The following KANK1 variants were observed in gnomAD, a reference collection of about 807,000 sequenced individuals.
KANK1 encodes the protein KN motif and ankyrin repeat domain-containing protein 1.
KANK1 carries 109 observed loss-of-function variants against 106.2 expected under a neutral mutation model. The ratio of observed to expected loss-of-function variants is 1.03; its 90% CI spans 0.88 to 1.20. The LOEUF is 1.20. Ranked by LOEUF, KANK1 falls within the 50% of genes most tolerant of loss-of-function variation. The probability of loss-of-function intolerance (pLI) is 0.00; values close to 1 mark genes in which losing one functional copy is unlikely to be tolerated. For synonymous variants in KANK1, 873 were observed against 652.2 expected, an observed-to-expected ratio of 1.34 and a Z score of -5.16; for missense variants, 2,399 against 1,710.7, an observed-to-expected ratio of 1.40 and a Z score of -7.10.
chr9:488,701 A>G (rs1390885280), intron 3 of KANK1, among the ~76,000 whole-genome samples: 1 of 152,258 alleles, frequency 6.6e-6, no homozygotes, highest in Admixed American at 6.5e-5. Context: ...TCAAGTGTCA[A>G]TAATGACTGT....
intron 1 of KANK1, among the ~76,000 whole-genome samples, chr9:607,906 T>G (rs891382134): frequency 1.3e-5 from 2 of 151,664 alleles, no homozygotes; most frequent in Admixed American, 1.3e-4. Context: ...TACCTGGTTG[T>G]ATTGTAATGT....
At chr9:539,944 T>A (rs910488557) in intron 1 of KANK1, among the ~76,000 whole-genome samples, 1 of 152,230 alleles carries the variant, frequency 6.6e-6, no homozygotes, top group Admixed American at 6.5e-5. Flanking sequence ...TTGGTGAAGT[T>A]CTGAAGGTTT....
intron 1 of KANK1, among the ~76,000 whole-genome samples, chr9:524,983 T>TTTTTTC (rs1491333702): frequency 1.0e-4 from 5 of 48,112 alleles, no homozygotes; most frequent in African/African-American, 1.9e-4. Flanking sequence ...TCTTGCTGCC[T>TTTTTTC]TTTTTTTTTT....
intron 1 of KANK1, among the ~76,000 whole-genome samples, chr9:620,800 G>A (rs1032296403): frequency 3.3e-5 from 5 of 152,106 alleles, no homozygotes; most frequent in Non-Finnish European, 7.4e-5. Context: ...TAATATTGGA[G>A]CATAATAGAA....
In KANK1 at chr9:712,382, G is replaced by A. The variant is rs202212356; in HGVS notation, c.1616G>A (p.Gly539Glu). Residue 539 changes from glycine (G) to glutamate (E), a missense_variant, in exon 3 of 12, where the codon GGG (glycine) becomes GAG (glutamate). By Grantham distance (98) the Gly-to-Glu change is moderately conservative. Transcript: ENST00000382297. The part of the protein sequence containing the change: ...SHMDLVDTCV[G>E]TSVETNSVGI... ...ATGGACCTGGTGGACACGTGTGTTG[G>A]GACCTCCGTGGAAACAAACAGTGTA... The A allele has an allele frequency of 6.3e-5, 101 of 1,614,036 alleles. No individual in the cohort carries two copies. Among genetic ancestry groups the A allele is most frequent in the Non-Finnish European group, 1.4e-5 (17 of 1,180,036 alleles).
intron 2 of KANK1, among the ~76,000 whole-genome samples, chr9:708,856 C>A (rs1825088659): frequency 1.3e-5 from 2 of 152,148 alleles, no homozygotes; most frequent in South Asian, 4.2e-4. Flanking sequence ...ATTAGCGTGG[C>A]TCTGGGAAAA....
chr9:477,748 T>C (rs533993847), intron 3 of KANK1: 1 of 152,348 alleles, frequency 6.6e-6, no homozygotes, highest in South Asian at 2.1e-4. Flanking sequence ...CATGCCAATA[T>C]GTAACACAGA....
chr9:716,155 G>C (rs1014816455), intron 3 of KANK1, among the ~76,000 whole-genome samples: 20 of 152,186 alleles, frequency 1.3e-4, no homozygotes, highest in African/African-American at 4.1e-4. Flanking sequence ...ACCTAACACA[G>C]TATTCTAATT....
intron 1 of KANK1, among the ~76,000 whole-genome samples, chr9:518,446 A>G (rs1236721303): frequency 2.6e-5 from 4 of 151,484 alleles, no homozygotes; most frequent in African/African-American, 7.3e-5. Context: ...CTTTTTACCT[A>G]TACTTTTCGG....
chr9:528,798 T>C (rs1186968428), intron 1 of KANK1, among the ~76,000 whole-genome samples: 1 of 151,672 alleles, frequency 6.6e-6, no homozygotes, highest in African/African-American at 2.4e-5. Flanking sequence ...CAAGCTAATA[T>C]GTCTCAATTT....
intron 3 of KANK1, among the ~76,000 whole-genome samples, chr9:491,773 C>T (rs538119102): frequency 3.0e-4 from 45 of 152,288 alleles, no homozygotes; most frequent in Non-Finnish European, 5.3e-4. Context: ...TCCCACATTT[C>T]GTGGAAGGAA....
chr9:741,021 A>T (rs758461733), intron 9 of KANK1, 87 bp downstream of exon 9: 12 of 1,453,786 alleles, frequency 8.3e-6, no homozygotes, highest in Non-Finnish European at 1.1e-5. Context: ...GCAGGCATAG[A>T]TGCCACGCTT....
Position 629,588 on chromosome 9 carries a change from C to G in KANK1, c.-83-47302C>G, listed in dbSNP as rs577888025. On this transcript the variant is annotated intron_variant, in intron 1 of 11. Coordinates refer to ENST00000382297, the MANE Select transcript of KANK1 (RefSeq NM_015158.5). ...CACATATAAATAAATTATAAACATC[C>G]AAACACATCCTGAGAGAAGTGCATT... Among the ~76,000 whole-genome samples, 19 of 152,270 alleles carry G rather than the reference C, an allele frequency of 1.2e-4. No homozygotes were observed. The South Asian group carries it at 3.5e-3, about 28-fold the overall frequency.
intron 2 of KANK1, among the ~76,000 whole-genome samples, chr9:699,921 G>T (rs996045408): frequency 6.6e-6 from 1 of 152,146 alleles, no homozygotes; most frequent in Non-Finnish European, 1.5e-5. Context: ...GTTCAAGGCT[G>T]CAGTGAGCTG....
chr9:660,647 C>T (rs1163310669), intron 1 of KANK1, among the ~76,000 whole-genome samples: 1 of 152,168 alleles, frequency 6.6e-6, no homozygotes, highest in Non-Finnish European at 1.5e-5. Flanking sequence ...CCAGAAGCTC[C>T]TCCGCTCTCC....
chr9:675,246 A>T (rs1334035529), intron 1 of KANK1, among the ~76,000 whole-genome samples: 1 of 152,170 alleles, frequency 6.6e-6, no homozygotes, highest in East Asian at 1.9e-4. Flanking sequence ...AACTTATATG[A>T]TTTCAATGGC....
chr9:527,393 C>T (rs543668591), intron 1 of KANK1, among the ~76,000 whole-genome samples: 2 of 151,812 alleles, frequency 1.3e-5, no homozygotes, highest in South Asian at 4.2e-4. Flanking sequence ...CCTACGCCAC[C>T]CAGTTTGAAG....
chr9:626,810 A>C (rs935032931), intron 1 of KANK1, among the ~76,000 whole-genome samples: 1 of 152,238 alleles, frequency 6.6e-6, no homozygotes, highest in Non-Finnish European at 1.5e-5. Context: ...ACTAGGATAC[A>C]AGCTGTAATG....
chr9:658,958 C>T (rs1416545147), intron 1 of KANK1, among the ~76,000 whole-genome samples: 1 of 152,148 alleles, frequency 6.6e-6, no homozygotes, highest in Non-Finnish European at 1.5e-5. Flanking sequence ...TCTGCATACC[C>T]TCAACTTCAG....
Sources: allele counts gnomAD v4.1 joint callset (sites outside exome capture counted in the v4.1 genomes callset), GRCh38; gene constraint gnomAD v4.1.1; transcripts MANE v1.5; gene names NCBI Gene and HGNC (gene_info 2026-07-23, HGNC 2026-07-21).